Variants in ATF2 observed in about 807,000 individuals in gnomAD.
The protein encoded by ATF2 is activating transcription factor 2.
In ATF2, 24 loss-of-function variants were observed where a neutral mutation model predicts 60.6. The ratio of observed to expected loss-of-function variants is 0.40; its 90% confidence interval spans 0.29 to 0.56. ATF2 has a LOEUF of 0.56. Ranked by LOEUF, ATF2 falls within the 20% of genes least tolerant of loss-of-function variation. ATF2 has a pLI of 0.54. For missense variants in ATF2, 433 were observed against 607.7 expected (o/e 0.71, Z 3.02); for synonymous variants, 206 against 215.4 (o/e 0.96, Z 0.38).
chr2:175,131,538 A>G (rs1328060418), intron 3 of ATF2, among the ~76,000 whole-genome samples: 1 of 152,224 alleles, frequency 6.6e-6, no homozygotes, highest in Non-Finnish European at 1.5e-5. Flanking sequence ...TTTGACCTAC[A>G]CAATCTGTGA....
intron 4 of ATF2, among the ~76,000 whole-genome samples, chr2:175,123,107 A>G (rs1424107863): frequency 2.0e-5 from 3 of 152,054 alleles, no homozygotes; most frequent in Admixed American, 6.6e-5. Context: ...TAGGACCACA[A>G]TCAAACTTTT....
At chr2:175,082,817 C>T (rs1384617775) in intron 12 of ATF2, among the ~76,000 whole-genome samples, 1 of 152,252 alleles carries the variant, frequency 6.6e-6, no homozygotes, top group South Asian at 2.1e-4. Flanking sequence ...TGTCTTTATC[C>T]CCTCTTCTTT....
intron 4 of ATF2, among the ~76,000 whole-genome samples, chr2:175,123,545 C>G (rs1057409479): frequency 1.3e-5 from 2 of 151,902 alleles, no homozygotes; most frequent in African/African-American, 4.8e-5. Context: ...AGTTTGACCC[C>G]AAATATTCAA....
intron 2 of ATF2, among the ~76,000 whole-genome samples, chr2:175,137,509 A>G (rs1045752752): frequency 4.6e-5 from 7 of 152,236 alleles, no homozygotes; most frequent in African/African-American, 1.7e-4. Flanking sequence ...ATATTTAAAC[A>G]TCAACTATAC....
At chr2:175,164,173 T>C (rs1486277184) in intron 1 of ATF2, among the ~76,000 whole-genome samples, 2 of 149,396 alleles carry the variant, frequency 1.3e-5, no homozygotes, top group East Asian at 3.9e-4. Context: ...AAGACACATA[T>C]AATGAATACA....
intron 10 of ATF2, among the ~76,000 whole-genome samples, chr2:175,103,186 C>T (rs901237832): frequency 2.0e-5 from 3 of 152,106 alleles, no homozygotes; most frequent in Non-Finnish European, 4.4e-5. Flanking sequence ...TCTCTAGAAA[C>T]AATTTATGAA....
chr2:175,075,376 A>C (rs983991073), intron 13 of ATF2, among the ~76,000 whole-genome samples: 1 of 152,172 alleles, frequency 6.6e-6, no homozygotes, highest in African/African-American at 2.4e-5. Context: ...AATGATGCAT[A>C]CATAGGAGAA....
intron 2 of ATF2, among the ~76,000 whole-genome samples, chr2:175,139,510 A>G (rs1698360929): frequency 6.6e-6 from 1 of 152,088 alleles, no homozygotes; most frequent in Non-Finnish European, 1.5e-5. Context: ...CGTCTCTACT[A>G]ACAATACAAA....
chr2:175,097,217 T>C lies in ATF2; in HGVS notation c.978+227A>G, dbSNP rs193241189. 9.2e-5 allele frequency among the ~76,000 whole-genome samples: 14 copies of C among 152,350 alleles called. No individual in the cohort carries two copies. The East Asian group carries it at 2.5e-3, about 27-fold the overall frequency. ...TAAAAAGAATTGTGACCAACATATA[T>C]GGACACCCACAGAAATATTTGCAGG... On this transcript the variant is annotated intron_variant, in intron 11 of 13. Coordinates refer to ENST00000264110, the MANE Select transcript of ATF2 (RefSeq NM_001880.4).
At chr2:175,074,994 T>C in intron 13 of ATF2, 159 bp from the exon 14 acceptor site, 2 of 1,502,858 alleles carry the variant, frequency 1.3e-6, no homozygotes, top group South Asian at 2.5e-5. Context: ...AAGTAGGCAA[T>C]TTTACCTGCA....
chr2:175,113,915 C>CCAGT, intron 9 of ATF2, 79 bp downstream of exon 9: 2 of 1,193,986 alleles, frequency 1.7e-6, no homozygotes, highest in East Asian at 4.7e-5. Flanking sequence ...ATTTCATAAG[C>CCAGT]CAGTCAAGCA....
chr2:175,118,688 G>T (rs188896072), intron 5 of ATF2, among the ~76,000 whole-genome samples: 25 of 151,622 alleles, frequency 1.6e-4, no homozygotes, highest in African/African-American at 5.1e-4. Flanking sequence ...ACAGTATAAA[G>T]AATTTTTTAA....
intron 3 of ATF2, among the ~76,000 whole-genome samples, chr2:175,133,100 A>T (rs1412616397): frequency 2.0e-5 from 3 of 151,370 alleles, no homozygotes; most frequent in Admixed American, 6.6e-5. Flanking sequence ...AAAAAAAAAA[A>T]AATAAATAAA....
chr2:175,103,587 C>T (rs750299396), intron 10 of ATF2, among the ~76,000 whole-genome samples: 7 of 151,796 alleles, frequency 4.6e-5, no homozygotes, highest in Non-Finnish European at 8.8e-5. Flanking sequence ...TGCCAAGATG[C>T]CCTCTGTCAG....
At chr2:175,107,882 A>G (rs541813190) in intron 10 of ATF2, among the ~76,000 whole-genome samples, 3 of 152,304 alleles carry the variant, frequency 2.0e-5, no homozygotes, top group East Asian at 1.9e-4. Flanking sequence ...AAAGGTGCTC[A>G]GGCTGGAGTG....
At chr2:175,135,003 C>CT (rs1698040262) in intron 3 of ATF2, among the ~76,000 whole-genome samples, 1 of 96,358 alleles carries the variant, frequency 1.0e-5, no homozygotes, top group African/African-American at 4.3e-5. Context: ...GACCCCATCT[C>CT]TTTAAAAAAA....
intron 12 of ATF2, among the ~76,000 whole-genome samples, chr2:175,091,099 G>A (rs2105581618): frequency 6.6e-6 from 1 of 152,210 alleles, no homozygotes; most frequent in African/African-American, 2.4e-5. Context: ...TAACATATAT[G>A]TATGTACTAC....
intron 10 of ATF2, among the ~76,000 whole-genome samples, chr2:175,108,236 G>GT (rs1486888653): frequency 3.3e-5 from 5 of 151,996 alleles, no homozygotes; most frequent in Non-Finnish European, 7.4e-5. Flanking sequence ...CATCTGAGAA[G>GT]TGAGGAGCCC....
At chr2:175,078,189 T>C (rs985967223) in intron 13 of ATF2, among the ~76,000 whole-genome samples, 1 of 152,138 alleles carries the variant, frequency 6.6e-6, no homozygotes, top group Non-Finnish European at 1.5e-5. Flanking sequence ...CAGACTGGTC[T>C]TGAACTCATG....
Sources: allele counts gnomAD v4.1 joint callset (sites outside exome capture counted in the v4.1 genomes callset), GRCh38; gene constraint gnomAD v4.1.1; transcripts MANE v1.5; gene names NCBI Gene and HGNC (gene_info 2026-07-23, HGNC 2026-07-21).